The following THSD7A variants were observed in gnomAD, a reference collection of about 807,000 sequenced individuals.
The protein encoded by THSD7A is thrombospondin type 1 domain containing 7A.
THSD7A carries 96 observed loss-of-function variants against 231.3 expected under a neutral mutation model. The observed-to-expected ratio is 0.41, with a 90% CI of 0.35 to 0.49. The LOEUF (loss-of-function observed/expected upper bound fraction) is 0.49, where lower values mean the gene tolerates loss of function less well. THSD7A is among the 20% of genes least tolerant of loss of function. The probability of loss-of-function intolerance (pLI) is 0.05; values close to 1 mark genes in which losing one functional copy is unlikely to be tolerated. For missense variants in THSD7A, 2,290 were observed against 2,070.2 expected, an observed-to-expected ratio of 1.11 and a Z score of -2.06; for synonymous variants, 940 against 743.3, an observed-to-expected ratio of 1.26 and a Z score of -4.30.
intron 1 of THSD7A, among the ~76,000 whole-genome samples, chr7:11,660,273 T>G (rs916463442): frequency 6.6e-6 from 1 of 151,538 alleles, no homozygotes; most frequent in Non-Finnish European, 1.5e-5. Flanking sequence ...TTTGCAGCAT[T>G]CCACCTATTT....
chr7:11,481,180 C>G (rs960275221), intron 7 of THSD7A, among the ~76,000 whole-genome samples: 2 of 151,982 alleles, frequency 1.3e-5, no homozygotes, highest in African/African-American at 4.8e-5. Context: ...CAAGTGAGGT[C>G]TGAATATGTG....
intron 1 of THSD7A, among the ~76,000 whole-genome samples, chr7:11,696,357 A>C (rs2128143299): frequency 6.6e-6 from 1 of 151,686 alleles, no homozygotes; most frequent in Non-Finnish European, 1.5e-5. Flanking sequence ...TTAGGACAAA[A>C]ATATAGCTGG....
intron 1 of THSD7A, among the ~76,000 whole-genome samples, chr7:11,788,698 C>T (rs10279149): frequency 0.85 from 129,579 of 152,014 alleles, 55,666 homozygotes; most frequent in African/African-American, 0.96. Context: ...CTGGATCAGA[C>T]TGCTTTTATT....
intron 1 of THSD7A, among the ~76,000 whole-genome samples, chr7:11,710,200 G>C (rs1321645371): frequency 6.6e-6 from 1 of 150,506 alleles, no homozygotes; most frequent in African/African-American, 2.4e-5. Context: ...AAATGGTACT[G>C]GTGCTTGTGG....
At chr7:11,496,646 C>A (rs1224413459) in intron 6 of THSD7A, among the ~76,000 whole-genome samples, 1 of 152,118 alleles carries the variant, frequency 6.6e-6, no homozygotes, top group Non-Finnish European at 1.5e-5. Flanking sequence ...CTTCCAAGGG[C>A]CAGGAGCCTG....
intron 4 of THSD7A, among the ~76,000 whole-genome samples, chr7:11,545,483 G>C (rs1789341485): frequency 6.6e-6 from 1 of 152,156 alleles, no homozygotes; most frequent in East Asian, 1.9e-4. Flanking sequence ...AGACCATTAA[G>C]AAGACCTGCA....
chr7:11,563,085 T>G (rs1213954287), intron 4 of THSD7A, among the ~76,000 whole-genome samples: 1 of 152,230 alleles, frequency 6.6e-6, no homozygotes, highest in Non-Finnish European at 1.5e-5. Flanking sequence ...TACCAGTGAT[T>G]GCTCAAAGCT....
At chr7:11,618,583 C>G (rs12535653) in intron 2 of THSD7A, among the ~76,000 whole-genome samples, 1 of 151,894 alleles carries the variant, frequency 6.6e-6, no homozygotes, top group African/African-American at 2.4e-5. Context: ...GGGCGGATCA[C>G]GAGGTCAGGA....
chr7:11,571,784 TC>T (rs1790644019), intron 4 of THSD7A, among the ~76,000 whole-genome samples: 1 of 152,146 alleles, frequency 6.6e-6, no homozygotes, highest in Admixed American at 6.5e-5. Flanking sequence ...TTATCTTTAT[TC>T]ACATGTATGT....
chr7:11,811,143 T>G (rs992015977), intron 1 of THSD7A, among the ~76,000 whole-genome samples: 10 of 152,216 alleles, frequency 6.6e-5, no homozygotes, highest in African/African-American at 2.4e-4. Flanking sequence ...TGGTGATTTG[T>G]GTGTAATGTC....
chr7:11,667,405 A>C (rs1783182675), intron 1 of THSD7A, among the ~76,000 whole-genome samples: 1 of 152,064 alleles, frequency 6.6e-6, no homozygotes, highest in African/African-American at 2.4e-5. Context: ...AACCTACAAC[A>C]CGAGCGTTTG....
At chr7:11,553,017 T>C (rs567729226) in intron 4 of THSD7A, among the ~76,000 whole-genome samples, 18 of 152,184 alleles carry the variant, frequency 1.2e-4, no homozygotes, top group African/African-American at 4.1e-4. Context: ...CTTCTGCCTA[T>C]TGAATCTCCA....
At chr7:11,542,726 T>C (rs899020524) in intron 5 of THSD7A, among the ~76,000 whole-genome samples, 2 of 152,218 alleles carry the variant, frequency 1.3e-5, no homozygotes, top group Non-Finnish European at 2.9e-5. Flanking sequence ...TGCACTAAAC[T>C]GTCTCAGATC....
chr7:11,384,656 T>C (rs1782658819), intron 23 of THSD7A: 1 of 151,986 alleles, frequency 6.6e-6, no homozygotes, highest in Non-Finnish European at 1.5e-5. Flanking sequence ...ACATAAGAAT[T>C]TGTCGTGGAG....
intron 2 of THSD7A, among the ~76,000 whole-genome samples, chr7:11,628,756 A>G (rs1781555836): frequency 6.6e-6 from 1 of 152,228 alleles, no homozygotes; most frequent in Admixed American, 6.5e-5. Flanking sequence ...ATGCATAGTG[A>G]ATTAATTAGT....
chr7:11,699,730 G>A (rs1014845206), intron 1 of THSD7A, among the ~76,000 whole-genome samples: 11 of 151,230 alleles, frequency 7.3e-5, no homozygotes, highest in Non-Finnish European at 4.4e-5. Flanking sequence ...TTTAATAGCA[G>A]CACTTCTCCA....
intron 19 of THSD7A, among the ~76,000 whole-genome samples, chr7:11,408,910 G>C (rs1783681743): frequency 6.6e-6 from 1 of 152,144 alleles, no homozygotes; most frequent in African/African-American, 2.4e-5. Flanking sequence ...TAGGAATCTT[G>C]AGGTGATATG....
At chr7:11,623,560 T>C (rs965387074) in intron 2 of THSD7A, among the ~76,000 whole-genome samples, 5 of 152,082 alleles carry the variant, frequency 3.3e-5, no homozygotes, top group Non-Finnish European at 7.4e-5. Flanking sequence ...CCACACCCCA[T>C]GGCTGACTTC....
At chr7:11,761,734 T>C (rs1367709675) in intron 1 of THSD7A, among the ~76,000 whole-genome samples, 1 of 152,084 alleles carries the variant, frequency 6.6e-6, no homozygotes, top group East Asian at 1.9e-4. Context: ...ATATCAGAAT[T>C]GCATTCCTTT....
Sources: allele counts gnomAD v4.1 joint callset (sites outside exome capture counted in the v4.1 genomes callset), GRCh38; gene constraint gnomAD v4.1.1; transcripts MANE v1.5; gene names NCBI Gene and HGNC (gene_info 2026-07-23, HGNC 2026-07-21).